SEMA4F: variants seen among roughly 807,000 people sequenced by gnomAD.
SEMA4F encodes semaphorin-4F.
Under a neutral mutation model 78.4 loss-of-function variants are expected in SEMA4F, and 51 were observed. The ratio of observed to expected loss-of-function variants is 0.65; its 90% CI spans 0.52 to 0.82. The LOEUF (loss-of-function observed/expected upper bound fraction) is 0.82. Among genes scored for constraint, SEMA4F ranks in the 40% least tolerant of loss-of-function variants. The pLI, the probability that SEMA4F is intolerant of heterozygous loss-of-function variation, is 0.00. For synonymous variants in SEMA4F, 418 were observed against 408.7 expected, an observed-to-expected ratio of 1.02 and a Z score of -0.27; for missense variants, 938 against 1,014.4, an observed-to-expected ratio of 0.92 and a Z score of 1.02.
At chr2:74,667,477 C>T (rs1684753082) in intron 5 of SEMA4F, among the ~76,000 whole-genome samples, 1 of 152,190 alleles carries the variant, frequency 6.6e-6, no homozygotes, top group Admixed American at 6.5e-5. Flanking sequence ...ACAGTGACCT[C>T]CTACAAAGTC....
chr2:74,696,700 CA>C, the SEMA4F span, among the ~76,000 whole-genome samples: 1 of 151,462 alleles, frequency 6.6e-6, no homozygotes, highest in Non-Finnish European at 1.5e-5. Context: ...ACCTGTTCCC[CA>C]AAAACCTATG....
chr2:74,707,572 GC>G, the SEMA4F span, among the ~76,000 whole-genome samples: 1 of 151,294 alleles, frequency 6.6e-6, no homozygotes, highest in Non-Finnish European at 1.5e-5. Flanking sequence ...GTTCAGATTT[GC>G]CCTCTTGCCT....
At chr2:74,685,279 C>CTTTA, downstream of SEMA4F, among the ~76,000 whole-genome samples, 1 of 152,034 alleles carries the variant, frequency 6.6e-6, no homozygotes, top group South Asian at 2.1e-4. Flanking sequence ...TAGTGTCTCA[C>CTTTA]TTAGTAGGAA....
In SEMA4F at chr2:74,675,221, C is replaced by T. The variant is rs201332832; in HGVS notation, c.1209C>T (p.Arg403=). The T allele has an allele frequency of 2.2e-5, 36 of 1,614,052 alleles. No homozygotes were observed. Among genetic ancestry groups the T allele is most frequent in the Admixed American group, 1.3e-4 (8 of 60,000 alleles). The change falls in exon 10 of 14, where the codon CGC becomes CGT. Residue 403 remains arginine, a synonymous_variant. Coordinates refer to ENST00000357877, the MANE Select transcript of SEMA4F (RefSeq NM_004263.5). ...GCTCATCTCTCTCCCTGCCTGACCG[C>T]GTACTCACCTTCATCCGGGACCACC... ...HFGSSLSLPD[R]VLTFIRDHPL...
chr2:74,654,261 C>T lies in SEMA4F; in HGVS notation c.-116C>T. On this transcript the variant is annotated 5_prime_UTR_variant, in exon 1 of 14. Transcript: ENST00000357877. ...AGCCGGGCGGTGTTTCATCCCTCAG[C>T]CTCAGGCTGAGCCGGACCGAGCCGA... The T allele has an allele frequency of 8.1e-7, 1 of 1,239,196 alleles. No homozygotes were observed. The highest frequency in any genetic ancestry group is 1.0e-6 in the Non-Finnish European group (1 of 956,236). The allele number at this position is 1,239,196 out of a possible 1,614,324, so 76.8% of individuals were successfully genotyped here. A position where few individuals can be genotyped will look rare whatever the true frequency, so the allele number is the denominator to read the frequency against.
intron 7 of SEMA4F, among the ~76,000 whole-genome samples, 162 bp downstream of exon 7, chr2:74,673,990 C>G (rs1685130262): frequency 2.0e-5 from 3 of 152,200 alleles, no homozygotes; most frequent in Admixed American, 2.0e-4. Context: ...GAGAGAGGCT[C>G]TGGCCTCTTT....
At chr2:74,707,832 G>A in the SEMA4F span, among the ~76,000 whole-genome samples, 1 of 152,244 alleles carries the variant, frequency 6.6e-6, no homozygotes, top group East Asian at 1.9e-4. Flanking sequence ...AGCAACTAGA[G>A]TTTGCAGGAT....
chr2:74,684,385 T>C (rs1685765855), downstream of SEMA4F, among the ~76,000 whole-genome samples: 1 of 152,096 alleles, frequency 6.6e-6, no homozygotes, highest in East Asian at 1.9e-4. Flanking sequence ...ACACTTTTAG[T>C]GGCTTAAAAC....
At chr2:74,685,580 C>G (rs1685805865), downstream of SEMA4F, among the ~76,000 whole-genome samples, 1 of 152,100 alleles carries the variant, frequency 6.6e-6, no homozygotes, top group African/African-American at 2.4e-5. Context: ...CACATGCCCA[C>G]ACTGAACCAA....
intron 12 of SEMA4F, among the ~76,000 whole-genome samples, chr2:74,677,840 A>G (rs1370174154): frequency 6.6e-6 from 1 of 152,262 alleles, no homozygotes; most frequent in Non-Finnish European, 1.5e-5. Flanking sequence ...ACACATGTCA[A>G]AACAGAGTGA....
rs766440260 is a variant in SEMA4F at position 74,675,896 on chromosome 2, G to A, written c.1630G>A (p.Gly544Arg). The change falls in exon 12 of 14, where the codon GGG (glycine) becomes AGG (arginine). Residue 544 changes from glycine (G) to arginine (R), a missense_variant. Gly to Arg is a moderately radical substitution (Grantham distance 125). Transcript: ENST00000357877. Reference protein sequence around the residue: ...FRLDECVAHAGEHRGLVQDIE... With the variant: ...FRLDECVAHAREHRGLVQDIE... Reference sequence around the variant, plus strand: ...GCTGGATGAGTGTGTGGCCCATGCCGGGGAGCACCGAGGGTGAGTGTAGCT... The same window carrying A: ...GCTGGATGAGTGTGTGGCCCATGCCAGGGAGCACCGAGGGTGAGTGTAGCT... 1.9e-5 allele frequency: 30 copies of A among 1,611,986 alleles called. No individual in the cohort carries two copies. Among genetic ancestry groups the A allele is most frequent in the Non-Finnish European group, 2.4e-5 (28 of 1,179,228 alleles).
chr2:74,696,185 C>CTTTTTTT, the SEMA4F span, among the ~76,000 whole-genome samples: 17 of 108,994 alleles, frequency 1.6e-4, no homozygotes, highest in African/African-American at 1.8e-4. Flanking sequence ...TCTCCTGCCT[C>CTTTTTTT]TTTTTTTTTT....
downstream of SEMA4F, among the ~76,000 whole-genome samples, chr2:74,684,797 C>T (rs1423042568): frequency 1.3e-5 from 2 of 152,158 alleles, no homozygotes; most frequent in African/African-American, 2.4e-5. Flanking sequence ...AATCCTGTCT[C>T]TCAAAAAATA....
chr2:74,694,602 A>C, the SEMA4F span, among the ~76,000 whole-genome samples: 1 of 152,178 alleles, frequency 6.6e-6, no homozygotes, highest in African/African-American at 2.4e-5. Flanking sequence ...GGAAAGACTG[A>C]TGCGTGGTGA....
At chr2:74,671,183 T>G (rs1684965779) in intron 5 of SEMA4F, among the ~76,000 whole-genome samples, 1 of 152,186 alleles carries the variant, frequency 6.6e-6, no homozygotes. Flanking sequence ...TCCCAAACAC[T>G]TGGATTCTTT....
chr2:74,708,945 C>T, the SEMA4F span, among the ~76,000 whole-genome samples: 5 of 152,176 alleles, frequency 3.3e-5, no homozygotes, highest in Middle Eastern at 6.8e-3. Context: ...GTAAGAGGAT[C>T]GCTTGAGCCC....
At chr2:74,663,497 A>C (rs1020705266) in intron 5 of SEMA4F, among the ~76,000 whole-genome samples, 1 of 152,202 alleles carries the variant, frequency 6.6e-6, no homozygotes. Context: ...GTAATTTATA[A>C]AGAAAAGAAG....
At chr2:74,668,645 C>CT (rs1684818114) in intron 5 of SEMA4F, among the ~76,000 whole-genome samples, 2 of 149,530 alleles carry the variant, frequency 1.3e-5, no homozygotes, top group Non-Finnish European at 3.0e-5. Context: ...GAGTCTTGCT[C>CT]TGTCGCCCAG....
intron 2 of SEMA4F, among the ~76,000 whole-genome samples, chr2:74,657,362 T>C (rs1234564557): frequency 3.3e-5 from 5 of 152,244 alleles, no homozygotes; most frequent in South Asian, 4.1e-4. Flanking sequence ...TTCTATTTCA[T>C]TAAAAATAAT....
Sources: allele counts gnomAD v4.1 joint callset (sites outside exome capture counted in the v4.1 genomes callset), GRCh38; gene constraint gnomAD v4.1.1; transcripts MANE v1.5; gene names NCBI Gene and HGNC (gene_info 2026-07-23, HGNC 2026-07-21).